TNRC6B: variants seen among roughly 807,000 people sequenced by gnomAD.
The protein encoded by TNRC6B is trinucleotide repeat containing adaptor 6B.
A neutral mutation model predicts 203.6 loss-of-function variants in TNRC6B; 52 were observed. The ratio of observed to expected loss-of-function variants is 0.26; its 90% CI spans 0.20 to 0.32. TNRC6B has a LOEUF of 0.32. Among genes scored for constraint, TNRC6B ranks in the 10% least tolerant of loss-of-function variants. The pLI, the probability that TNRC6B is intolerant of heterozygous loss-of-function variation, is 1.00. For synonymous variants in TNRC6B, 838 were observed against 845.7 expected (o/e 0.99, Z 0.16); for missense variants, 1,923 against 2,286.2 (o/e 0.84, Z 3.24).
chr22:40,156,145 C>T, exon 4 of TNRC6B: 2 of 1,581,728 alleles, frequency 1.3e-6, no homozygotes, highest in African/African-American at 1.3e-5. Flanking sequence ...AATGGAAGGG[C>T]ATGGCAAGAC....
At chr22:40,063,791 C>T (rs549079193) in intron 1 of TNRC6B, among the ~76,000 whole-genome samples, 7 of 152,138 alleles carry the variant, frequency 4.6e-5, no homozygotes, top group African/African-American at 1.7e-4. Flanking sequence ...CAGCCTTGAC[C>T]TCTTGGGCTC....
At chr22:40,311,697 AC>A (rs1447017436) in intron 17 of TNRC6B, among the ~76,000 whole-genome samples, 1 of 152,028 alleles carries the variant, frequency 6.6e-6, no homozygotes, top group African/African-American at 2.4e-5. Context: ...GCCTGCTACC[AC>A]GCCTGGCTAA....
At chr22:40,185,579 C>G (rs184545152) in intron 1 of TNRC6B, among the ~76,000 whole-genome samples, 78 of 152,168 alleles carry the variant, frequency 5.1e-4, no homozygotes, top group African/African-American at 1.7e-3. Context: ...TCATGGCAGG[C>G]TGTATTAGCT....
At chr22:40,300,623 C>T in intron 13 of TNRC6B, 37 bp downstream of exon 13, 1 of 1,578,980 alleles carries the variant, frequency 6.3e-7, no homozygotes, top group South Asian at 1.2e-5. Context: ...CTAAAAAGGT[C>T]ATTTGCTTTT....
intron 1 of TNRC6B, among the ~76,000 whole-genome samples, chr22:40,186,595 G>A (rs749956675): frequency 8.6e-5 from 13 of 151,622 alleles, no homozygotes; most frequent in Admixed American, 4.6e-4. Flanking sequence ...AAAATTAGCC[G>A]GGCGTGGTGG....
chr22:40,215,061 C>CT (rs898276928), intron 1 of TNRC6B, among the ~76,000 whole-genome samples: 108 of 148,862 alleles, frequency 7.3e-4, no homozygotes, highest in Non-Finnish European at 9.1e-4. Flanking sequence ...ACTTAGCTTT[C>CT]TTTTTTTTTT....
rs546358631 is a variant in TNRC6B, at chr22:40,121,708, A to G, written c.-46-4064A>G. Among the ~76,000 whole-genome samples, 461 of 152,268 alleles carry G rather than the reference A, an allele frequency of 3.0e-3. 3 individuals are homozygous for G. Among genetic ancestry groups the G allele is most frequent in the Non-Finnish European group, 4.0e-3 (270 of 68,010 alleles). On this transcript the variant is annotated intron_variant, in intron 2 of 23. Transcript: ENST00000301923. Reference sequence around the variant, plus strand: ...TACCAGCATCACCACCACCGCCACAACCGTCTGTGGCTTGTTTCTTGATGA... The same window carrying G: ...TACCAGCATCACCACCACCGCCACAGCCGTCTGTGGCTTGTTTCTTGATGA...
chr22:40,053,275 TC>T (rs1380865738), intron 1 of TNRC6B, among the ~76,000 whole-genome samples: 3 of 152,128 alleles, frequency 2.0e-5, no homozygotes, highest in African/African-American at 7.2e-5. Context: ...ATAAACAGGC[TC>T]CGAAAGCAGC....
chr22:40,334,857 A>G lies in TNRC6B; in HGVS notation c.*11616A>G, dbSNP rs1364048016. 6.6e-6 allele frequency: 1 copy of G among 152,582 alleles called. No homozygotes were observed. The highest frequency in any genetic ancestry group is 1.5e-5 in the Non-Finnish European group (1 of 68,034). The allele number at this position is 152,582 out of a possible 1,614,324, so 9.5% of individuals were successfully genotyped here. On this transcript the variant is annotated 3_prime_UTR_variant, in exon 23 of 23. Coordinates refer to ENST00000454349, the MANE Select transcript of TNRC6B (RefSeq NM_001162501.2). ...GAAGGTGCAGAAAAGGGCATCAAAAAGAGGCTGGATTTTTTAAAAGGCAGC... is the reference window on the plus strand; with the variant it reads ...GAAGGTGCAGAAAAGGGCATCAAAAGGAGGCTGGATTTTTTAAAAGGCAGC...
intron 1 of TNRC6B, among the ~76,000 whole-genome samples, chr22:40,213,073 C>T (rs1016909991): frequency 2.6e-5 from 4 of 152,170 alleles, no homozygotes; most frequent in Non-Finnish European, 5.9e-5. Flanking sequence ...TATGTCTTCT[C>T]GTGTATAACT....
chr22:40,180,947 A>T (rs1769991732), intron 1 of TNRC6B, among the ~76,000 whole-genome samples: 1 of 152,238 alleles, frequency 6.6e-6, no homozygotes. Flanking sequence ...TAATATCACA[A>T]CATTACTCTG....
At chr22:40,221,186 C>T (rs1253928559) in intron 1 of TNRC6B, among the ~76,000 whole-genome samples, 1 of 152,162 alleles carries the variant, frequency 6.6e-6, no homozygotes. Flanking sequence ...CCATGTGACA[C>T]AGCATGGCGG....
chr22:40,083,544 A>T (rs1044714568), intron 1 of TNRC6B, among the ~76,000 whole-genome samples: 1 of 152,072 alleles, frequency 6.6e-6, no homozygotes, highest in Non-Finnish European at 1.5e-5. Flanking sequence ...GAAGAGTGAT[A>T]CAGAGTCAAA....
intron 4 of TNRC6B, among the ~76,000 whole-genome samples, chr22:40,156,755 G>GTTTTTTTTT (rs542249864): frequency 7.4e-6 from 1 of 134,998 alleles, no homozygotes; most frequent in Non-Finnish European, 1.6e-5. Context: ...TTTGTTGTTG[G>GTTTTTTTTT]TTTTTTTTTT....
intron 1 of TNRC6B, among the ~76,000 whole-genome samples, chr22:40,051,617 C>T (rs2067745095): frequency 6.6e-6 from 1 of 152,188 alleles, no homozygotes; most frequent in African/African-American, 2.4e-5. Context: ...ACCACAGGCA[C>T]TACAGTTTGA....
At chr22:40,295,720 T>TGA (rs2070929967) in intron 12 of TNRC6B, among the ~76,000 whole-genome samples, 1 of 149,882 alleles carries the variant, frequency 6.7e-6, no homozygotes, top group East Asian at 2.0e-4. Flanking sequence ...CAGAGAAAGC[T>TGA]GAGACTTGCA....
At position 40,327,769 on chromosome 22, in the gene TNRC6B, T is replaced by G. The variant is rs537154479; in HGVS notation, c.*4528T>G. ...TCTTCTCTTCTACCACACTCTGGCA[T>G]AGATACAGGCTTGCTGGTCACCTCT... On this transcript the variant is annotated 3_prime_UTR_variant, in exon 23 of 23. Coordinates refer to ENST00000454349, the MANE Select transcript of TNRC6B (RefSeq NM_001162501.2). 6.6e-6 allele frequency: 1 copy of G among 152,380 alleles called. No homozygotes were observed. The highest frequency in any genetic ancestry group is 2.1e-4 in the South Asian group (1 of 4,832). 9.4% of individuals were successfully genotyped at this position (152,380 alleles called of 1,614,324 possible). A position where few individuals can be genotyped will look rare whatever the true frequency, so the allele number is the denominator to read the frequency against.
chr22:40,273,721 G>A, intron 7 of TNRC6B, 121 bp downstream of exon 7: 1 of 1,139,242 alleles, frequency 8.8e-7, no homozygotes, highest in Non-Finnish European at 1.2e-6. Context: ...CTGGAGTGCA[G>A]TGGGACAGTC....
chr22:40,085,819 G>A (rs12159481), intron 1 of TNRC6B, among the ~76,000 whole-genome samples: 10,609 of 152,002 alleles, frequency 0.07, 1,163 homozygotes, highest in African/African-American at 0.23. Flanking sequence ...GTCTTTGTTT[G>A]TTAGCTAGAG....
Sources: gnomAD v4.1 joint callset for allele counts (sites outside exome capture counted in the v4.1 genomes callset) on GRCh38, gnomAD v4.1.1 for gene constraint, MANE v1.5 for transcripts, NCBI Gene and HGNC (gene_info 2026-07-23, HGNC 2026-07-21) for gene names.